The following CDH20 variants were observed in gnomAD, a reference collection of about 807,000 sequenced individuals.
The protein encoded by CDH20 is cadherin-20.
A neutral mutation model predicts 74.2 loss-of-function variants in CDH20; 29 were observed. The observed-to-expected ratio is 0.39, with a 90% confidence interval of 0.29 to 0.53. The LOEUF is 0.53. CDH20 is among the 20% of genes least tolerant of loss of function. The probability of loss-of-function intolerance (pLI) is 0.69; values close to 1 mark genes in which losing one functional copy is unlikely to be tolerated. For missense variants in CDH20, 988 were observed against 1,048.3 expected (o/e 0.94, Z 0.79); for synonymous variants, 469 against 405.4 (o/e 1.16, Z -1.88).
Position 61,545,161 on chromosome 18 carries a change from T to C in CDH20, c.1648+17T>C. ...ACAACCAAGGTAATCAGGTGGATGGTTGGCTATCTGTGCTTTTCTACAGCA... is the reference window on the plus strand; with the variant it reads ...ACAACCAAGGTAATCAGGTGGATGGCTGGCTATCTGTGCTTTTCTACAGCA... On this transcript the variant is annotated intron_variant, in intron 10 of 11. Coordinates refer to ENST00000262717, the MANE Select transcript of CDH20 (RefSeq NM_031891.4). 5 of 1,527,376 alleles carry C rather than the reference T, an allele frequency of 3.3e-6. No individual in the cohort carries two copies. Among genetic ancestry groups the C allele is most frequent in the South Asian group, 2.2e-5 (2 of 89,312 alleles). 94.6% of individuals were successfully genotyped at this position (1,527,376 alleles called of 1,614,324 possible).
At chr18:61,501,382 T>A (rs1911379462) in intron 4 of CDH20, among the ~76,000 whole-genome samples, 1 of 152,098 alleles carries the variant, frequency 6.6e-6, no homozygotes, top group African/African-American at 2.4e-5. Flanking sequence ...TCCCCTCTTA[T>A]TAATACTTTC....
rs1299059904 is a variant in CDH20, at chr18:61,554,308, G to A, written c.2019G>A (p.Glu673=). 4.3e-6 allele frequency: 7 copies of A among 1,613,840 alleles called. No homozygotes were observed. The highest frequency in any genetic ancestry group is 1.3e-5 in the African/African-American group (1 of 75,056). ...ACGACGACGAGGGCGGCGGCGAGGA[G>A]GACACCGAGGCCTTCGACATCGCGG... ...VRYDDEGGGE[E]DTEAFDIAAM... The change falls in exon 12 of 12, where the codon GAG becomes GAA. Residue 673 remains glutamate (E), a synonymous_variant. Transcript: ENST00000262717.
chr18:61,466,462 A>C (rs1486984949), intron 1 of CDH20, among the ~76,000 whole-genome samples: 1 of 152,202 alleles, frequency 6.6e-6, no homozygotes, highest in East Asian at 1.9e-4. Context: ...GTTACGGGAC[A>C]TGCAGCTCAT....
At chr18:61,356,620 C>T (rs966615793) in intron 1 of CDH20, among the ~76,000 whole-genome samples, 1 of 152,164 alleles carries the variant, frequency 6.6e-6, no homozygotes, top group Non-Finnish European at 1.5e-5. Flanking sequence ...AATTCACAGG[C>T]AGTTAAGTAA....
chr18:61,339,406 G>A (rs2144086285), intron 1 of CDH20, among the ~76,000 whole-genome samples: 1 of 150,352 alleles, frequency 6.7e-6, no homozygotes, highest in African/African-American at 2.5e-5. Flanking sequence ...TATTGCATAA[G>A]GAGAGATTGG....
At chr18:61,498,766 T>A (rs1911258068) in intron 2 of CDH20, among the ~76,000 whole-genome samples, 1 of 152,228 alleles carries the variant, frequency 6.6e-6, no homozygotes, top group Non-Finnish European at 1.5e-5. Context: ...TGTTTGATAC[T>A]CCAAAACTTA....
chr18:61,500,279 A>G (rs952341992), intron 3 of CDH20, 104 bp from the exon 4 acceptor site: 4 of 1,235,514 alleles, frequency 3.2e-6, no homozygotes, highest in African/African-American at 3.0e-5. Flanking sequence ...GACTCTCCCA[A>G]TGAAGCAAAC....
At chr18:61,464,212 G>A (rs1038701842) in intron 1 of CDH20, among the ~76,000 whole-genome samples, 2 of 151,818 alleles carry the variant, frequency 1.3e-5, no homozygotes, top group African/African-American at 4.8e-5. Flanking sequence ...CTTTATGTAA[G>A]CTCAGAGTTT....
chr18:61,344,613 T>G (rs554350185), intron 1 of CDH20, among the ~76,000 whole-genome samples: 1 of 152,190 alleles, frequency 6.6e-6, no homozygotes, highest in Non-Finnish European at 1.5e-5. Flanking sequence ...CTGTTAACCA[T>G]GATATCACTT....
intron 2 of CDH20, among the ~76,000 whole-genome samples, chr18:61,491,881 CT>C (rs1205526883): frequency 6.6e-6 from 1 of 151,968 alleles, no homozygotes; most frequent in African/African-American, 2.4e-5. Flanking sequence ...GTTTTTCCTT[CT>C]TTTTTCTCAG....
chr18:61,410,055 G>A (rs974106635), intron 1 of CDH20, among the ~76,000 whole-genome samples: 1 of 152,170 alleles, frequency 6.6e-6, no homozygotes, highest in Admixed American at 6.5e-5. Context: ...GATAATGAAA[G>A]TAAATGTGTT....
chr18:61,334,701 C>T (rs1201827424), intron 1 of CDH20, among the ~76,000 whole-genome samples: 1 of 152,044 alleles, frequency 6.6e-6, no homozygotes, highest in Non-Finnish European at 1.5e-5. Context: ...GAAGGCAGCC[C>T]GGAGGCAGCG....
chr18:61,439,384 A>T (rs1243729864), intron 1 of CDH20, among the ~76,000 whole-genome samples: 1 of 152,176 alleles, frequency 6.6e-6, no homozygotes, highest in East Asian at 1.9e-4. Context: ...TAATAAATGG[A>T]CACTGTTCAA....
At chr18:61,477,919 G>A (rs898026909) in intron 1 of CDH20, among the ~76,000 whole-genome samples, 2 of 151,728 alleles carry the variant, frequency 1.3e-5, no homozygotes, top group Admixed American at 1.3e-4. Flanking sequence ...TGTTTTTTGA[G>A]GCCAGGCACG....
At chr18:61,532,965 A>C (rs1472643229) in intron 7 of CDH20, among the ~76,000 whole-genome samples, 1 of 152,158 alleles carries the variant, frequency 6.6e-6, no homozygotes, top group African/African-American at 2.4e-5. Context: ...TACCTCTTAA[A>C]TTATTACCTG....
chr18:61,337,295 A>G (rs977196589), intron 1 of CDH20, among the ~76,000 whole-genome samples: 5 of 152,176 alleles, frequency 3.3e-5, no homozygotes, highest in Non-Finnish European at 7.3e-5. Context: ...GGATATGGGG[A>G]AAATTTCTTG....
At chr18:61,364,088 AAC>A (rs1910784261) in intron 1 of CDH20, among the ~76,000 whole-genome samples, 2 of 152,116 alleles carry the variant, frequency 1.3e-5, no homozygotes, top group Non-Finnish European at 2.9e-5. Flanking sequence ...AATTTATTAT[AAC>A]TCCCTGGATT....
intron 6 of CDH20, among the ~76,000 whole-genome samples, chr18:61,526,437 T>C (rs1490285289): frequency 6.6e-6 from 1 of 152,214 alleles, no homozygotes; most frequent in Non-Finnish European, 1.5e-5. Context: ...TGAAATGTGC[T>C]GCCATTCAAC....
At chr18:61,357,896 C>T (rs889897385) in intron 1 of CDH20, among the ~76,000 whole-genome samples, 1 of 152,068 alleles carries the variant, frequency 6.6e-6, no homozygotes, top group South Asian at 2.1e-4. Context: ...CTCTGGCCCT[C>T]AGATACCCCT....
Sources: gnomAD v4.1 joint callset for allele counts (sites outside exome capture counted in the v4.1 genomes callset) on GRCh38, gnomAD v4.1.1 for gene constraint, MANE v1.5 for transcripts, NCBI Gene and HGNC (gene_info 2026-07-23, HGNC 2026-07-21) for gene names.